Variants in PPFIA2 observed in about 807,000 individuals in gnomAD.
PPFIA2 encodes the protein liprin-alpha-2.
Under a neutral mutation model 175.5 loss-of-function variants are expected in PPFIA2, and 46 were observed. The observed-to-expected ratio is 0.26, with a 90% CI of 0.21 to 0.34. PPFIA2 has a LOEUF of 0.34. Among genes scored for constraint, PPFIA2 ranks in the 10% least tolerant of loss-of-function variants. The probability of loss-of-function intolerance (pLI) is 1.00; values close to 1 mark genes in which losing one functional copy is unlikely to be tolerated. For missense variants in PPFIA2, 1,179 were observed against 1,506.1 expected (o/e 0.78, Z 3.60); for synonymous variants, 568 against 511.4 (o/e 1.11, Z -1.49).
chr12:81,562,131 T>C (rs1179713575), intron 4 of PPFIA2, among the ~76,000 whole-genome samples: 2 of 152,178 alleles, frequency 1.3e-5, no homozygotes, highest in Admixed American at 1.3e-4. Context: ...TCTAGTTTTA[T>C]AGGTCTGTAA....
At chr12:81,626,700 C>T (rs140313695) in intron 4 of PPFIA2, among the ~76,000 whole-genome samples, 1 of 152,088 alleles carries the variant, frequency 6.6e-6, no homozygotes, top group East Asian at 1.9e-4. Context: ...TTAGAGGACT[C>T]TACTGCATTA....
chr12:81,620,252 G>T (rs1365484721), intron 4 of PPFIA2, among the ~76,000 whole-genome samples: 1 of 151,484 alleles, frequency 6.6e-6, no homozygotes, highest in Non-Finnish European at 1.5e-5. Context: ...ATTAAGACTG[G>T]CTTATTGAAA....
In PPFIA2 at chr12:81,343,802, C is replaced by T. The variant is rs191911821; in HGVS notation, c.2262+862G>A. On this transcript the variant is annotated intron_variant, in intron 19 of 32. Transcript: ENST00000549396. The stretch of plus-strand genomic sequence containing the variant: ...CATTCCAAACAGAAAAGCGGTGTTT[C>T]GAACATATTTTTTTATTTTGCATAG... 7.1e-4 allele frequency among the ~76,000 whole-genome samples: 108 copies of T among 152,106 alleles called. 1 individual carries two copies. Among genetic ancestry groups the T allele is most frequent in the Admixed American group, 3.0e-3 (45 of 15,244 alleles).
At chr12:81,432,512 T>C (rs1277908300) in intron 7 of PPFIA2, among the ~76,000 whole-genome samples, 2 of 150,918 alleles carry the variant, frequency 1.3e-5, no homozygotes, top group Admixed American at 6.6e-5. Flanking sequence ...GTCACCCAGG[T>C]TGGAGTGCAG....
At chr12:81,619,644 C>A (rs768111835) in intron 4 of PPFIA2, among the ~76,000 whole-genome samples, 1 of 151,826 alleles carries the variant, frequency 6.6e-6, no homozygotes, top group African/African-American at 2.4e-5. Context: ...TAAGTAAGAT[C>A]TTCATTATTT....
intron 4 of PPFIA2, among the ~76,000 whole-genome samples, chr12:81,630,341 C>T (rs1166377361): frequency 2.0e-5 from 3 of 152,118 alleles, no homozygotes; most frequent in African/African-American, 7.2e-5. Flanking sequence ...AACTCCAGTC[C>T]TTATTGGGTG....
At chr12:81,358,272 G>T in intron 15 of PPFIA2, 55 bp from the exon 16 acceptor site, 1 of 1,486,530 alleles carries the variant, frequency 6.7e-7, no homozygotes, top group South Asian at 1.3e-5. Context: ...AACTTACCAG[G>T]AAATTACTAT....
At chr12:81,348,475 C>T (rs746767103) in intron 17 of PPFIA2, among the ~76,000 whole-genome samples, 17 of 152,094 alleles carry the variant, frequency 1.1e-4, no homozygotes, top group Admixed American at 4.6e-4. Flanking sequence ...TGGTGGCTCA[C>T]GCCTGTAATC....
At chr12:81,412,010 T>C (rs2044053253) in intron 7 of PPFIA2, among the ~76,000 whole-genome samples, 1 of 151,964 alleles carries the variant, frequency 6.6e-6, no homozygotes, top group East Asian at 1.9e-4. Context: ...TGAAAACAAA[T>C]ATTGAGATTT....
chr12:81,329,508 C>T (rs2055639227), intron 21 of PPFIA2, among the ~76,000 whole-genome samples: 1 of 151,990 alleles, frequency 6.6e-6, no homozygotes, highest in Non-Finnish European at 1.5e-5. Flanking sequence ...CCTGTGTAAA[C>T]AGTTTTGAAC....
At chr12:81,444,457 T>A (rs1479198378) in intron 6 of PPFIA2, among the ~76,000 whole-genome samples, 1 of 152,186 alleles carries the variant, frequency 6.6e-6, no homozygotes, top group Non-Finnish European at 1.5e-5. Context: ...TATTGAATAT[T>A]AAATAATTAT....
chr12:81,357,984 T>C, intron 16 of PPFIA2, 98 bp downstream of exon 16: 1 of 1,211,372 alleles, frequency 8.3e-7, no homozygotes, highest in South Asian at 1.8e-5. Context: ...TTAATAAAAA[T>C]GCTAGCATTT....
chr12:81,394,368 T>A (rs757587474), intron 8 of PPFIA2, among the ~76,000 whole-genome samples: 19 of 151,960 alleles, frequency 1.3e-4, no homozygotes, highest in Non-Finnish European at 2.6e-4. Context: ...AAAGGATTAA[T>A]GGTAGGCATA....
At chr12:81,368,630 T>C (rs2141449394) in intron 13 of PPFIA2, 95 bp downstream of exon 13, 1 of 1,242,262 alleles carries the variant, frequency 8.0e-7, no homozygotes, top group Non-Finnish European at 1.1e-6. Flanking sequence ...ACTAAGTAAA[T>C]GGATCATCTG....
intron 3 of PPFIA2, among the ~76,000 whole-genome samples, chr12:81,717,488 TG>T (rs2078782077): frequency 1.3e-5 from 2 of 151,794 alleles, no homozygotes; most frequent in South Asian, 4.2e-4. Context: ...TGCTTGCAAG[TG>T]AAGAGGGTAA....
chr12:81,525,917 CA>C (rs1402384684), intron 4 of PPFIA2, among the ~76,000 whole-genome samples: 1 of 151,980 alleles, frequency 6.6e-6, no homozygotes, highest in African/African-American at 2.4e-5. Context: ...AGATACACAA[CA>C]AAATTCTTAG....
At chr12:81,300,624 G>C (rs571227162) in intron 22 of PPFIA2, among the ~76,000 whole-genome samples, 4 of 152,248 alleles carry the variant, frequency 2.6e-5, no homozygotes, top group African/African-American at 9.6e-5. Flanking sequence ...GAAGTGTTAA[G>C]TTCTGCATGT....
chr12:81,521,174 G>A (rs574466439), intron 4 of PPFIA2, among the ~76,000 whole-genome samples: 2 of 151,336 alleles, frequency 1.3e-5, no homozygotes, highest in East Asian at 3.9e-4. Flanking sequence ...ATGCATTCTT[G>A]ACTGTTTCTA....
intron 19 of PPFIA2, among the ~76,000 whole-genome samples, chr12:81,341,992 C>A (rs2058174449): frequency 6.6e-6 from 1 of 152,028 alleles, no homozygotes. Context: ...AGAAAAAAAT[C>A]TCTTTTTAAA....
Sources: gnomAD v4.1 joint callset for allele counts (sites outside exome capture counted in the v4.1 genomes callset) on GRCh38, gnomAD v4.1.1 for gene constraint, MANE v1.5 for transcripts, NCBI Gene and HGNC (gene_info 2026-07-23, HGNC 2026-07-21) for gene names.